Variants in HMGCLL1 observed in about 807,000 individuals in gnomAD.
HMGCLL1 encodes 3-hydroxy-3-methylglutaryl-CoA lyase like 1, also known as 3-hydroxymethyl-3-methylglutaryl-CoA lyase, cytoplasmic.
A neutral mutation model predicts 39.1 loss-of-function variants in HMGCLL1; 36 were observed. The ratio of observed to expected loss-of-function variants is 0.92; its 90% CI spans 0.71 to 1.22. HMGCLL1 has a LOEUF of 1.22. HMGCLL1 is among the 50% of genes most tolerant of loss of function. The pLI, the probability that HMGCLL1 is intolerant of heterozygous loss-of-function variation, is 0.00. For synonymous variants in HMGCLL1, 149 were observed against 144.0 expected, an observed-to-expected ratio of 1.03 and a Z score of -0.25; for missense variants, 451 against 416.5, an observed-to-expected ratio of 1.08 and a Z score of -0.72.
At chr6:55,516,305 G>A (rs1391487520) in intron 4 of HMGCLL1, among the ~76,000 whole-genome samples, 3 of 152,160 alleles carry the variant, frequency 2.0e-5, no homozygotes, top group East Asian at 1.9e-4. Flanking sequence ...ATTTTTGAAC[G>A]GTGAAGCTGG....
At chr6:55,511,777 G>A (rs564350178) in intron 5 of HMGCLL1, among the ~76,000 whole-genome samples, 58 of 152,134 alleles carry the variant, frequency 3.8e-4, no homozygotes, top group Non-Finnish European at 1.0e-4. Flanking sequence ...TAAATTGTTG[G>A]GAGGAATAAG....
At chr6:55,509,442 C>T (rs1370423735) in intron 5 of HMGCLL1, among the ~76,000 whole-genome samples, 2 of 151,808 alleles carry the variant, frequency 1.3e-5, no homozygotes, top group Non-Finnish European at 2.9e-5. Context: ...TCTTCAGGGT[C>T]AGGATCTGAG....
the HMGCLL1 span, among the ~76,000 whole-genome samples, chr6:55,628,329 T>C: frequency 4.7e-5 from 7 of 147,972 alleles, no homozygotes; most frequent in African/African-American, 1.8e-4. Flanking sequence ...TGAGACAGAG[T>C]CTTGCTCTGT....
the HMGCLL1 span, among the ~76,000 whole-genome samples, chr6:55,586,905 A>G: frequency 6.6e-6 from 1 of 152,070 alleles, no homozygotes; most frequent in Non-Finnish European, 1.5e-5. Flanking sequence ...CTTTGGGTAT[A>G]TACTCAGTAC....
intron 1 of HMGCLL1, among the ~76,000 whole-genome samples, chr6:55,559,219 G>C (rs530879308): frequency 6.6e-6 from 1 of 152,170 alleles, no homozygotes; most frequent in Non-Finnish European, 1.5e-5. Flanking sequence ...CTAAGTTTTA[G>C]TGTAGAGCAA....
the HMGCLL1 span, among the ~76,000 whole-genome samples, chr6:55,630,117 C>A: frequency 6.6e-6 from 1 of 152,246 alleles, no homozygotes; most frequent in South Asian, 2.1e-4. Context: ...GACACTCTCG[C>A]CAGCCTGTGA....
the HMGCLL1 span, among the ~76,000 whole-genome samples, chr6:55,643,019 A>G: frequency 2.6e-5 from 4 of 152,162 alleles, no homozygotes; most frequent in South Asian, 8.3e-4. Flanking sequence ...TATGTACCAC[A>G]TTTTCTTTAT....
chr6:55,453,079 G>T (rs1764172191), intron 7 of HMGCLL1, among the ~76,000 whole-genome samples: 1 of 152,272 alleles, frequency 6.6e-6, no homozygotes, highest in South Asian at 2.1e-4. Context: ...GATGTGGGAA[G>T]AGGTATTCTA....
the HMGCLL1 span, among the ~76,000 whole-genome samples, chr6:55,661,118 C>T: frequency 7.2e-5 from 11 of 152,022 alleles, no homozygotes; most frequent in East Asian, 5.8e-4. Context: ...GATAGTAAAC[C>T]TTAGTCAGAT....
intron 3 of HMGCLL1, among the ~76,000 whole-genome samples, chr6:55,535,976 G>A (rs1309790789): frequency 6.6e-6 from 1 of 152,064 alleles, no homozygotes; most frequent in Non-Finnish European, 1.5e-5. Context: ...GAGACATCAG[G>A]ACTGGACTTG....
Position 55,551,463 on chromosome 6 carries a change from G to A in HMGCLL1, c.109-9323C>T, listed in dbSNP as rs79879279. ...ATGTAAGAGCTATTGTAACAAGGAA[G>A]GGCAAGTAGAAGCTTCTGAAATCTC... is the stretch of plus-strand genomic sequence containing the variant. On this transcript the variant is annotated intron_variant, in intron 1 of 8. Coordinates refer to ENST00000274901, the MANE Select transcript of HMGCLL1 (RefSeq NM_001042406.2). Among the ~76,000 whole-genome samples, 851 of 152,008 alleles carry A rather than the reference G, an allele frequency of 5.6e-3. 20 individuals carry two copies. The highest frequency in any genetic ancestry group is 0.019 in the African/African-American group (801 of 41,314).
intron 8 of HMGCLL1, 95 bp from the exon 9 acceptor site, chr6:55,435,858 C>G (rs1443148378): frequency 2.6e-5 from 14 of 543,890 alleles, no homozygotes; most frequent in Non-Finnish European, 4.1e-5. Context: ...AGTTACTTAA[C>G]CATTTAAAAT....
chr6:55,490,470 A>T (rs1334919813), intron 7 of HMGCLL1, among the ~76,000 whole-genome samples: 1 of 152,150 alleles, frequency 6.6e-6, no homozygotes, highest in Non-Finnish European at 1.5e-5. Context: ...GAAACACTTG[A>T]CAATCAATTT....
the HMGCLL1 span, among the ~76,000 whole-genome samples, chr6:55,674,088 T>C: frequency 1.3e-5 from 2 of 151,990 alleles, no homozygotes; most frequent in Admixed American, 1.3e-4. Context: ...TCCAAAGTAG[T>C]AGCATGTCGT....
chr6:55,440,865 C>G (rs549173453), intron 7 of HMGCLL1, among the ~76,000 whole-genome samples: 1 of 152,178 alleles, frequency 6.6e-6, no homozygotes, highest in South Asian at 2.1e-4. Flanking sequence ...CCTTCCTTCC[C>G]TTCTTTACTT....
the HMGCLL1 span, among the ~76,000 whole-genome samples, chr6:55,631,853 G>T: frequency 6.6e-6 from 1 of 152,086 alleles, no homozygotes; most frequent in Non-Finnish European, 1.5e-5. Flanking sequence ...TGGATGTCAG[G>T]TAGGTCTGAC....
the HMGCLL1 span, among the ~76,000 whole-genome samples, chr6:55,585,521 A>C: frequency 3.3e-3 from 498 of 152,198 alleles, 3 homozygotes; most frequent in African/African-American, 0.011. Flanking sequence ...TAATAGGTAA[A>C]CTGTATTATC....
intron 7 of HMGCLL1, among the ~76,000 whole-genome samples, chr6:55,483,201 AT>A (rs1454281389): frequency 3.9e-5 from 6 of 152,262 alleles, no homozygotes; most frequent in Non-Finnish European, 7.4e-5. Context: ...TATTTGGGGG[AT>A]GTAGTTTTGA....
chr6:55,665,567 C>A, the HMGCLL1 span, among the ~76,000 whole-genome samples: 2 of 151,680 alleles, frequency 1.3e-5, no homozygotes, highest in Admixed American at 1.3e-4. Context: ...ACATTACCTG[C>A]CTCCTTCCCC....
Sources: allele counts gnomAD v4.1 joint callset (sites outside exome capture counted in the v4.1 genomes callset), GRCh38; gene constraint gnomAD v4.1.1; transcripts MANE v1.5; gene names NCBI Gene and HGNC (gene_info 2026-07-23, HGNC 2026-07-21).